The following EXTL1 variants were observed in gnomAD, a reference collection of about 807,000 sequenced individuals.
The protein encoded by EXTL1 is exostosin-like 1.
EXTL1 carries 43 observed loss-of-function variants against 64.6 expected under a neutral mutation model. The ratio of observed to expected loss-of-function variants is 0.67; its 90% CI spans 0.52 to 0.86. The LOEUF (loss-of-function observed/expected upper bound fraction) is 0.86, where lower values mean the gene tolerates loss of function less well. Ranked by LOEUF, EXTL1 falls within the 40% of genes least tolerant of loss-of-function variation. EXTL1 has a pLI of 0.00. For missense variants in EXTL1, 766 were observed against 879.0 expected (o/e 0.87, Z 1.62); for synonymous variants, 352 against 360.5 (o/e 0.98, Z 0.27).
Position 26,036,368 on chromosome 1 carries a change from G to C in EXTL1, c.*1021G>C, listed in dbSNP as rs1450716638. On this transcript the variant is annotated 3_prime_UTR_variant, in exon 11 of 11. Transcript: ENST00000374280. This position sits in a 1 kb window ranked among gnomAD's most constrained non-coding sequence, Gnocchi z 5.2. ...TATAGGTGAGAATGGAGTTGGGGGG[G>C]GACACTAGGTCCTCCGGGGTTCACC... 6.6e-6 allele frequency: 1 copy of C among 152,238 alleles called. No homozygotes were observed. Among genetic ancestry groups the C allele is most frequent in the Non-Finnish European group, 1.5e-5 (1 of 68,068 alleles). 9.4% of individuals were successfully genotyped at this position (152,238 alleles called of 1,614,324 possible).
At chr1:26,024,578 C>A (rs2050194509) in intron 1 of EXTL1, among the ~76,000 whole-genome samples, 1 of 152,086 alleles carries the variant, frequency 6.6e-6, no homozygotes, top group African/African-American at 2.4e-5. Flanking sequence ...CTCCAGGGAG[C>A]CCTCACAGCC....
In EXTL1 at chr1:26,033,830, T is replaced by A. The variant is rs758706289; in HGVS notation, c.1653T>A (p.Val551=). The change falls in exon 9 of 11, where the codon GTT becomes GTA. Residue 551 remains valine (V), a synonymous_variant. Transcript: ENST00000374280. The surrounding 1 kb of genome is among the most constrained non-coding windows in gnomAD (Gnocchi z 5.1). ...AGAGGACCAACGAATTCTCCATGGT[T>A]CTCACCACAGCCGCCTTCTACCATA... is the stretch of plus-strand genomic sequence containing the variant. ...TAERTNEFSM[V]LTTAAFYHRY... The A allele has an allele frequency of 6.2e-6, 10 of 1,613,988 alleles. No homozygotes were observed. The South Asian group carries it at 8.8e-5, about 14-fold the overall frequency.
In EXTL1 at chr1:26,022,407, A is replaced by G; in HGVS notation, c.-240A>G. ...AAGGCCGAGAAGGCAGAGTCCTGAG[A>G]GCAGGGGGGCCAGGCCAGCAAGCTG... On this transcript the variant is annotated 5_prime_UTR_variant, in exon 1 of 11. Transcript: ENST00000374280. The G allele has an allele frequency of 4.1e-6, 2 of 488,292 alleles. 1 individual carries two copies. Among genetic ancestry groups the G allele is most frequent in the Middle Eastern group, 1.0e-3 (2 of 1,912 alleles). 30.2% of individuals were successfully genotyped at this position (488,292 alleles called of 1,614,324 possible). A position where few individuals can be genotyped will look rare whatever the true frequency, so the allele number is the denominator to read the frequency against.
At position 26,035,585 on chromosome 1, in the gene EXTL1, C is replaced by G. The variant is rs930992277; in HGVS notation, c.*238C>G. Reference sequence around the variant, plus strand: ...GCCCCGCGACCGGAGCGCCGCTCTCCGCTTCTCCACCCAGCTAACTTCTGC... The same window carrying G: ...GCCCCGCGACCGGAGCGCCGCTCTCGGCTTCTCCACCCAGCTAACTTCTGC... On this transcript the variant is annotated 3_prime_UTR_variant, in exon 11 of 11. Transcript: ENST00000374280. The surrounding 1 kb of genome is among the most constrained non-coding windows in gnomAD (Gnocchi z 5.3). 1 of 445,112 alleles carries G rather than the reference C, an allele frequency of 2.2e-6. No individual in the cohort carries two copies. Among genetic ancestry groups the G allele is most frequent in the Non-Finnish European group, 4.0e-6 (1 of 249,864 alleles). The allele number at this position is 445,112 out of a possible 1,614,324, so 27.6% of individuals were successfully genotyped here. A position where few individuals can be genotyped will look rare whatever the true frequency, so the allele number is the denominator to read the frequency against.
At chr1:26,029,808 C>A in intron 3 of EXTL1, 101 bp downstream of exon 3, 1 of 709,954 alleles carries the variant, frequency 1.4e-6, no homozygotes, top group South Asian at 1.7e-5. Context: ...TTCCTATCTG[C>A]CTTCTATGGA....
At position 26,023,339 on chromosome 1, in the gene EXTL1, G is replaced by A; in HGVS notation, c.693G>A (p.Glu231=). The stretch of plus-strand genomic sequence containing the variant: ...GGGTAGCCCTGCTAGCCCTGGAAGA[G>A]GAGAGGGGTGGGTGGCGCACAGCAG... ...QPGVALLALE[E]ERGGWRTADT... Residue 231 remains glutamate (E), a synonymous_variant, in exon 1 of 11, where the codon GAG becomes GAA. Coordinates refer to ENST00000374280, the MANE Select transcript of EXTL1 (RefSeq NM_004455.3). 5.9e-6 allele frequency: 9 copies of A among 1,514,792 alleles called. No individual in the cohort carries two copies. The highest frequency in any genetic ancestry group is 8.0e-6 in the Non-Finnish European group (9 of 1,130,052). The allele number at this position is 1,514,792 out of a possible 1,614,324, so 93.8% of individuals were successfully genotyped here. A position where few individuals can be genotyped will look rare whatever the true frequency, so the allele number is the denominator to read the frequency against.
chr1:26,034,852 T>A lies in EXTL1; in HGVS notation c.1696T>A (p.Phe566Ile). The A allele has an allele frequency of 6.2e-7, 1 of 1,614,016 alleles. No homozygotes were observed. The highest frequency in any genetic ancestry group is 1.1e-5 in the South Asian group (1 of 91,072). The change falls in exon 10 of 11, where the codon TTC (phenylalanine) becomes ATC (isoleucine). Residue 566 changes from phenylalanine to isoleucine, a missense_variant. By Grantham distance (21) the Phe-to-Ile change is conservative. This residue lies in a region of EXTL1 where 194 missense variants were observed against 214.5 expected (regional missense o/e 0.90). Coordinates refer to ENST00000374280, the MANE Select transcript of EXTL1 (RefSeq NM_004455.3). This position sits in a 1 kb window ranked among gnomAD's most constrained non-coding sequence, Gnocchi z 4.6. ...AFYHRYYHTL[F>I]THSLPKALRT... ...CTTGCCCAGGTATTACCACACTCTC[T>A]TCACCCACTCCCTGCCCAAGGCTCT... is the stretch of plus-strand genomic sequence containing the variant.
intron 1 of EXTL1, among the ~76,000 whole-genome samples, chr1:26,026,372 C>T (rs142674010): frequency 8.7e-5 from 13 of 149,284 alleles, no homozygotes; most frequent in Non-Finnish European, 1.5e-5. Flanking sequence ...TGGCTCACTG[C>T]GACCTCCACT....
chr1:26,022,861 C>T lies in EXTL1; in HGVS notation c.215C>T (p.Pro72Leu), dbSNP rs1240391196. 2 of 1,614,092 alleles carry T rather than the reference C, an allele frequency of 1.2e-6. No individual in the cohort carries two copies. Among genetic ancestry groups the T allele is most frequent in the Non-Finnish European group, 1.7e-6 (2 of 1,180,002 alleles). ...GELPEDAVSP[P>L]QAPHGGSCNW... ...CTCCCAGAAGATGCCGTTTCACCTC[C>T]TCAAGCCCCTCATGGTGGCAGCTGC... Residue 72 changes from proline (P) to leucine (L), a missense_variant, in exon 1 of 11, where the codon CCT (proline) becomes CTT (leucine). This residue lies in a region of EXTL1 where 571 missense variants were observed against 647.6 expected (regional missense o/e 0.88). Coordinates refer to ENST00000374280, the MANE Select transcript of EXTL1 (RefSeq NM_004455.3).
At chr1:26,026,296 A>AT (rs1349609749) in intron 1 of EXTL1, among the ~76,000 whole-genome samples, 2 of 30,330 alleles carry the variant, frequency 6.6e-5, no homozygotes, top group African/African-American at 1.6e-4. Flanking sequence ...AGAAGAAAAA[A>AT]ATTTTTTTTT....
At chr1:26,030,850 G>A (rs987868187) in intron 4 of EXTL1, among the ~76,000 whole-genome samples, 3 of 152,218 alleles carry the variant, frequency 2.0e-5, no homozygotes, top group African/African-American at 7.2e-5. Context: ...GTTGACCGCC[G>A]ATGGCTGCCT....
Position 26,029,606 on chromosome 1 carries a change from T to A in EXTL1, c.880T>A (p.Cys294Ser), listed in dbSNP as rs2050258746. Reference protein sequence around the residue: ...SRFLQALQAGCIPVLLSPRWE... With the variant: ...SRFLQALQAGSIPVLLSPRWE... The stretch of plus-strand genomic sequence containing the variant: ...TGACCTCCCCGCCCCCCAGGCCGGC[T>A]GCATCCCAGTGCTTCTCAGCCCCCG... Residue 294 changes from cysteine (C) to serine (S), a missense_variant, in exon 3 of 11, where the codon TGC (cysteine) becomes AGC (serine). Physicochemically the swap from Cys to Ser is moderately radical, Grantham distance 112 (BLOSUM62 -1). Transcript: ENST00000374280. 2 of 1,604,216 alleles carry A rather than the reference T, an allele frequency of 1.2e-6. No homozygotes were observed. Among genetic ancestry groups the A allele is most frequent in the Non-Finnish European group, 8.5e-7 (1 of 1,175,012 alleles).
Position 26,029,217 on chromosome 1 carries a change from C to T in EXTL1, c.804C>T (p.Pro268=). The change falls in exon 2 of 11, where the codon CCC becomes CCT. Residue 268 remains proline (P), a synonymous_variant. Transcript: ENST00000374280. ...GGACCCAGCGCCAGGAGACGCTGCC[C>T]AATGCCACCTTCTGCCTCATCTCTG... ...PGQTQRQETL[P]NATFCLISGH... 1 of 1,613,802 alleles carries T rather than the reference C, an allele frequency of 6.2e-7. No homozygotes were observed. Among genetic ancestry groups the T allele is most frequent in the Non-Finnish European group, 8.5e-7 (1 of 1,179,858 alleles).
At position 26,022,499 on chromosome 1, in the gene EXTL1, C is replaced by T. The variant is rs2050161448; in HGVS notation, c.-148C>T. The T allele has an allele frequency of 6.1e-6, 4 of 655,710 alleles. No individual in the cohort carries two copies. Among genetic ancestry groups the T allele is most frequent in the Non-Finnish European group, 1.0e-5 (4 of 381,422 alleles). The allele number at this position is 655,710 out of a possible 1,614,324, so 40.6% of individuals were successfully genotyped here. Reference sequence around the variant, plus strand: ...TCTGACCTTAGACAGGCGGCCTGGTCTCGATGGGCCTCAGTCTTCCCATCT... The same window carrying T: ...TCTGACCTTAGACAGGCGGCCTGGTTTCGATGGGCCTCAGTCTTCCCATCT... On this transcript the variant is annotated 5_prime_UTR_variant, in exon 1 of 11. Transcript: ENST00000374280.
At chr1:26,024,271 T>C (rs1327057319) in intron 1 of EXTL1, among the ~76,000 whole-genome samples, 1 of 152,130 alleles carries the variant, frequency 6.6e-6, no homozygotes. Context: ...AAAGGCTAGC[T>C]GGGCAGGCAA....
Position 26,034,110 on chromosome 1 carries a change from CA to C in EXTL1, c.1679+257del, listed in dbSNP as rs2050315076. ...TGAAGTCCCTGGCACAGAGGTTCCACAAATGGTAGCTATTGTTATTTGAAGT... is the reference window on the plus strand; with the variant it reads ...TGAAGTCCCTGGCACAGAGGTTCCACAATGGTAGCTATTGTTATTTGAAGT... On this transcript the variant is annotated intron_variant, in intron 9 of 10. Transcript: ENST00000374280. The surrounding 1 kb of genome is among the most constrained non-coding windows in gnomAD (Gnocchi z 4.6). 6.6e-6 allele frequency among the ~76,000 whole-genome samples: 1 copy of C among 152,180 alleles called. No homozygotes were observed. Among genetic ancestry groups the C allele is most frequent in the Non-Finnish European group, 1.5e-5 (1 of 68,036 alleles).
chr1:26,022,604 C>T lies in EXTL1; in HGVS notation c.-43C>T. On this transcript the variant is annotated 5_prime_UTR_variant, in exon 1 of 11. Transcript: ENST00000374280. Reference sequence around the variant, plus strand: ...AGGCCCTGCTCTTCCTGCTTGCTGGCAGAGGCCTCCCAGCTTCCCTAGCCC... The same window carrying T: ...AGGCCCTGCTCTTCCTGCTTGCTGGTAGAGGCCTCCCAGCTTCCCTAGCCC... 3.3e-6 allele frequency: 5 copies of T among 1,506,872 alleles called. No individual in the cohort carries two copies. The South Asian group carries it at 6.5e-5, about 20-fold the overall frequency. The allele number at this position is 1,506,872 out of a possible 1,614,324, so 93.3% of individuals were successfully genotyped here. A position where few individuals can be genotyped will look rare whatever the true frequency, so the allele number is the denominator to read the frequency against.
rs1299236256 is a variant in EXTL1 at position 26,033,899 on chromosome 1, C to T, written c.1679+43C>T. 6.4e-7 allele frequency: 1 copy of T among 1,557,756 alleles called. No individual in the cohort carries two copies. The highest frequency in any genetic ancestry group is 8.7e-7 in the Non-Finnish European group (1 of 1,147,086). The stretch of plus-strand genomic sequence containing the variant: ...GCACAGGGATCAGAGTATCAGAGGA[C>T]CAGAGACCCCACCCCCACCCCGAAC... On this transcript the variant is annotated intron_variant, in intron 9 of 10. Transcript: ENST00000374280. The surrounding 1 kb of genome is among the most constrained non-coding windows in gnomAD (Gnocchi z 5.1).
In EXTL1 at chr1:26,031,574, C is replaced by G; in HGVS notation, c.1341+8C>G. 6.5e-7 allele frequency: 1 copy of G among 1,531,730 alleles called. No individual in the cohort carries two copies. Among genetic ancestry groups the G allele is most frequent in the Non-Finnish European group, 8.9e-7 (1 of 1,129,894 alleles). 94.9% of individuals were successfully genotyped at this position (1,531,730 alleles called of 1,614,324 possible). ...TCCCAGCACTGTGCCCAGGTCTGCC[C>G]CCTTCCCAGCTGGAGTCCTGGGATC... On this transcript the variant is annotated splice_region_variant and intron_variant, in intron 6 of 10. Coordinates refer to ENST00000374280, the MANE Select transcript of EXTL1 (RefSeq NM_004455.3).
Sources: gnomAD v4.1 joint callset for allele counts (sites outside exome capture counted in the v4.1 genomes callset) on GRCh38, gnomAD v4.1.1 for gene constraint, gnomAD v4.1.1 regional missense constraint, Gnocchi (gnomAD v3.1) non-coding constraint, MANE v1.5 for transcripts, NCBI Gene and HGNC (gene_info 2026-07-23, HGNC 2026-07-21) for gene names.